Variants in COL25A1 observed in about 807,000 individuals in gnomAD.
The protein encoded by COL25A1 is collagen alpha-1(XXV) chain.
COL25A1 carries 103 observed loss-of-function variants against 128.4 expected under a neutral mutation model. The observed-to-expected ratio is 0.80, with a 90% CI of 0.68 to 0.94. COL25A1 has a LOEUF of 0.94. Among genes scored for constraint, COL25A1 ranks in the 40% least tolerant of loss-of-function variants. The probability of loss-of-function intolerance (pLI) is 0.00; values close to 1 mark genes in which losing one functional copy is unlikely to be tolerated. For synonymous variants in COL25A1, 279 were observed against 277.2 expected (o/e 1.01, Z -0.06); for missense variants, 745 against 840.0 (o/e 0.89, Z 1.40).
intron 19 of COL25A1, among the ~76,000 whole-genome samples, chr4:108,881,345 G>C (rs1391366865): frequency 6.6e-6 from 1 of 152,142 alleles, no homozygotes. Context: ...GAGAGCAACA[G>C]CTGGTGAATC....
chr4:109,077,262 T>C (rs1229445407), intron 3 of COL25A1, among the ~76,000 whole-genome samples: 1 of 152,016 alleles, frequency 6.6e-6, no homozygotes, highest in African/African-American at 2.4e-5. Flanking sequence ...CAGTAGAAAA[T>C]GAGAGATTGT....
chr4:108,998,283 T>C (rs974083832), intron 6 of COL25A1, among the ~76,000 whole-genome samples: 4 of 152,160 alleles, frequency 2.6e-5, no homozygotes, highest in Admixed American at 2.6e-4. Context: ...AGTCTCAGGA[T>C]ACAAAATCAA....
chr4:109,104,515 C>A (rs1176756602), intron 3 of COL25A1, among the ~76,000 whole-genome samples: 2 of 152,032 alleles, frequency 1.3e-5, no homozygotes, highest in African/African-American at 4.8e-5. Flanking sequence ...CATGATGTAT[C>A]TCCTAACACA....
intron 33 of COL25A1, 70 bp from the exon 34 acceptor site, chr4:108,825,292 G>T: frequency 3.2e-6 from 4 of 1,266,572 alleles, no homozygotes; most frequent in Non-Finnish European, 4.6e-6. Flanking sequence ...TTTATTTAAG[G>T]CTGTCTGAAC....
chr4:108,921,792 A>G (rs182106359), intron 11 of COL25A1, among the ~76,000 whole-genome samples: 4 of 152,256 alleles, frequency 2.6e-5, no homozygotes, highest in Admixed American at 2.6e-4. Context: ...CTGCCTTTAT[A>G]TATTTCTATT....
intron 5 of COL25A1, among the ~76,000 whole-genome samples, chr4:109,034,694 C>T (rs1378702363): frequency 2.0e-5 from 3 of 152,136 alleles, no homozygotes; most frequent in African/African-American, 7.2e-5. Context: ...AGGAAAATAT[C>T]CTTCTGAAAG....
At chr4:108,861,156 C>CTT (rs374328564) in intron 22 of COL25A1, among the ~76,000 whole-genome samples, 185 bp from the exon 23 acceptor site, 1 of 152,072 alleles carries the variant, frequency 6.6e-6, no homozygotes, top group Non-Finnish European at 1.5e-5. Context: ...ACTAAAATTC[C>CTT]TTTTTTTAAA....
chr4:109,010,146 G>C (rs1206642235), intron 6 of COL25A1, among the ~76,000 whole-genome samples: 1 of 152,184 alleles, frequency 6.6e-6, no homozygotes, highest in African/African-American at 2.4e-5. Flanking sequence ...ATAGTACATT[G>C]TTAAATCTGC....
At chr4:108,908,812 A>G (rs1363794018) in intron 13 of COL25A1, among the ~76,000 whole-genome samples, 1 of 152,196 alleles carries the variant, frequency 6.6e-6, no homozygotes, top group Non-Finnish European at 1.5e-5. Context: ...GTAGGGGGCC[A>G]GTGAATTGGA....
At chr4:109,104,231 G>A (rs1215161475) in intron 3 of COL25A1, among the ~76,000 whole-genome samples, 3 of 151,806 alleles carry the variant, frequency 2.0e-5, no homozygotes, top group Non-Finnish European at 1.5e-5. Flanking sequence ...AAATTAGCTG[G>A]GTATGTTGGC....
At chr4:108,879,055 C>T (rs1214985518) in intron 19 of COL25A1, among the ~76,000 whole-genome samples, 1 of 152,174 alleles carries the variant, frequency 6.6e-6, no homozygotes, top group Non-Finnish European at 1.5e-5. Context: ...AACCTCATCT[C>T]TGGTGGATTT....
chr4:109,270,193 C>T (rs1466546461), intron 3 of COL25A1, among the ~76,000 whole-genome samples: 1 of 152,014 alleles, frequency 6.6e-6, no homozygotes, highest in Non-Finnish European at 1.5e-5. Flanking sequence ...CACTCCTATT[C>T]AACATAGTGT....
intron 3 of COL25A1, among the ~76,000 whole-genome samples, chr4:109,210,786 T>A (rs1418974958): frequency 9.2e-5 from 14 of 152,018 alleles, no homozygotes; most frequent in Non-Finnish European, 1.2e-4. Flanking sequence ...GCCTCCCACC[T>A]GGGAATAGAT....
At chr4:108,873,555 GTA>G (rs1491062682) in intron 19 of COL25A1, among the ~76,000 whole-genome samples, 3 of 115,052 alleles carry the variant, frequency 2.6e-5, no homozygotes, top group Non-Finnish European at 5.6e-5. Context: ...AGTAGTAGTA[GTA>G]GTAGCAGCAG....
chr4:109,297,779 G>T (rs143428114), intron 3 of COL25A1, among the ~76,000 whole-genome samples: 1 of 147,976 alleles, frequency 6.8e-6, no homozygotes, highest in South Asian at 2.2e-4. Flanking sequence ...AATTACTATT[G>T]TCTAATGGAT....
chr4:109,214,764 T>C (rs1437754146), intron 3 of COL25A1, among the ~76,000 whole-genome samples: 2 of 152,074 alleles, frequency 1.3e-5, no homozygotes, highest in African/African-American at 2.4e-5. Context: ...ACTGGTGATG[T>C]TAGTCTGAGT....
At chr4:108,836,504 G>A (rs1469762487) in intron 31 of COL25A1, among the ~76,000 whole-genome samples, 4 of 151,944 alleles carry the variant, frequency 2.6e-5, no homozygotes, top group Non-Finnish European at 2.9e-5. Flanking sequence ...AGAGATCAGC[G>A]TGGGAAACAT....
chr4:108,974,513 T>C lies in COL25A1; in HGVS notation c.465+20A>G, dbSNP rs1752235672. The C allele has an allele frequency of 3.1e-6, 5 of 1,611,066 alleles. No individual in the cohort carries two copies. The South Asian group carries it at 4.4e-5, about 14-fold the overall frequency. The stretch of plus-strand genomic sequence containing the variant: ...AATATGGATCTTCACTAACTTTATT[T>C]CTGGTATGCATTTTCTTACCTTATC... On this transcript the variant is annotated intron_variant, in intron 7 of 37. Coordinates refer to ENST00000399132, the MANE Select transcript of COL25A1 (RefSeq NM_198721.4).
intron 11 of COL25A1, among the ~76,000 whole-genome samples, chr4:108,921,277 GC>G (rs1182184916): frequency 6.6e-6 from 1 of 152,196 alleles, no homozygotes; most frequent in African/African-American, 2.4e-5. Flanking sequence ...GCATGGAAAT[GC>G]AGCAATTTTG....
Sources: allele counts gnomAD v4.1 joint callset (sites outside exome capture counted in the v4.1 genomes callset), GRCh38; gene constraint gnomAD v4.1.1; transcripts MANE v1.5; gene names NCBI Gene and HGNC (gene_info 2026-07-23, HGNC 2026-07-21).